Variants in OXTR observed in about 807,000 individuals in gnomAD.
OXTR encodes the protein oxytocin receptor.
Under a neutral mutation model 23.9 loss-of-function variants are expected in OXTR, and 19 were observed. The ratio of observed to expected loss-of-function variants is 0.80; its 90% confidence interval spans 0.56 to 1.17. The LOEUF (loss-of-function observed/expected upper bound fraction) is 1.17, where lower values mean the gene tolerates loss of function less well. Among genes scored for constraint, OXTR ranks in the 50% most tolerant of loss-of-function variants. OXTR has a pLI of 0.00. For missense variants in OXTR, 500 were observed against 550.7 expected (o/e 0.91, Z 0.92); for synonymous variants, 278 against 250.5 (o/e 1.11, Z -1.04).
the OXTR span, among the ~76,000 whole-genome samples, chr3:8,743,048 C>T: frequency 6.6e-6 from 1 of 151,962 alleles, no homozygotes; most frequent in Non-Finnish European, 1.5e-5. Flanking sequence ...AGCAAGAGAG[C>T]TGCCGGGTTC....
chr3:8,760,866 C>T (rs1708469953), intron 3 of OXTR, among the ~76,000 whole-genome samples: 1 of 152,012 alleles, frequency 6.6e-6, no homozygotes, highest in Non-Finnish European at 1.5e-5. Context: ...GGCCAGAGAC[C>T]AGGGCAACAA....
intron 3 of OXTR, among the ~76,000 whole-genome samples, chr3:8,759,588 T>C (rs1244159224): frequency 6.6e-6 from 1 of 152,246 alleles, no homozygotes; most frequent in Non-Finnish European, 1.5e-5. Flanking sequence ...AACCACAGGA[T>C]ATGGCCTCCC....
chr3:8,745,582 G>A (rs61147808), downstream of OXTR: 4,545 of 1,614,140 alleles, frequency 2.8e-3, 131 homozygotes, highest in African/African-American at 0.052. The surrounding 1 kb of genome is among the most constrained non-coding windows in gnomAD (Gnocchi z 4.8). Context: ...TTGACGGCGT[G>A]TGGAAGGTGA....
the OXTR span, among the ~76,000 whole-genome samples, chr3:8,741,987 C>T: frequency 6.6e-6 from 1 of 152,208 alleles, no homozygotes; most frequent in Non-Finnish European, 1.5e-5. Context: ...TCCAACTGCA[C>T]ACAGTGTCCT....
At chr3:8,743,650 G>A in the OXTR span, among the ~76,000 whole-genome samples, 9 of 152,248 alleles carry the variant, frequency 5.9e-5, no homozygotes, top group African/African-American at 1.9e-4. Flanking sequence ...ACACCACCCC[G>A]AGTGAGGCCT....
chr3:8,767,941 T>G lies in OXTR; in HGVS notation c.247A>C (p.Ile83Leu). 6.2e-7 allele frequency: 1 copy of G among 1,613,316 alleles called. No homozygotes were observed. Among genetic ancestry groups the G allele is most frequent in the Non-Finnish European group, 8.5e-7 (1 of 1,179,760 alleles). Residue 83 changes from isoleucine (I) to leucine (L), a missense_variant, in exon 3 of 4, where the codon ATC (isoleucine) becomes CTC (leucine). Physicochemically the swap from Ile to Leu is conservative, Grantham distance 5. Transcript: ENST00000316793. ...RLFFFMKHLS[I>L]ADLVVAVFQV... ...AACACTGCCACCACCAGGTCGGCGA[T>G]GCTTAGGTGCTTCATGAAGAAGAAG... is the stretch of plus-strand genomic sequence containing the variant.
intron 3 of OXTR, among the ~76,000 whole-genome samples, chr3:8,763,300 C>T (rs1277837613): frequency 6.6e-6 from 1 of 152,192 alleles, no homozygotes; most frequent in Non-Finnish European, 1.5e-5. Context: ...CAACCCCAGG[C>T]AGTGAGCCGT....
At chr3:8,764,700 C>A (rs1398781533) in intron 3 of OXTR, among the ~76,000 whole-genome samples, 1 of 152,188 alleles carries the variant, frequency 6.6e-6, no homozygotes, top group African/African-American at 2.4e-5. Flanking sequence ...CATGATGTGG[C>A]CAGGCTGGTG....
Position 8,753,148 on chromosome 3 carries a change from C to T in OXTR, c.999G>A (p.Thr333=), listed in dbSNP as rs189691866. Residue 333 remains threonine, a synonymous_variant, in exon 4 of 4, where the codon ACG becomes ACA. Coordinates refer to ENST00000316793, the MANE Select transcript of OXTR (RefSeq NM_000916.4). ...CCNPWIYMLF[T]GHLFHELVQR... ...GCACGAGTTCGTGGAAGAGGTGGCC[C>T]GTGAACAGCATGTAGATCCAGGGGT... 2.4e-5 allele frequency: 39 copies of T among 1,613,998 alleles called. No homozygotes were observed. In the Admixed American group the frequency reaches 3.3e-4, roughly 14 times the overall value.
intron 3 of OXTR, among the ~76,000 whole-genome samples, chr3:8,762,302 T>C (rs144749183): frequency 2.6e-5 from 4 of 152,360 alleles, no homozygotes; most frequent in Admixed American, 2.6e-4. Flanking sequence ...GGTTAGCTTT[T>C]GAGTTTTTTG....
the OXTR span, chr3:8,742,315 C>A: frequency 3.6e-6 from 1 of 278,374 alleles, no homozygotes; most frequent in South Asian, 3.2e-5. Context: ...AAAGGCAATC[C>A]CTGGAAATAA....
At chr3:8,769,073 T>G (rs942554897) in intron 1 of OXTR, among the ~76,000 whole-genome samples, 158 bp downstream of exon 1, 3 of 152,196 alleles carry the variant, frequency 2.0e-5, no homozygotes, top group African/African-American at 4.8e-5. Flanking sequence ...AATCAAGGAC[T>G]CTGAGTCTCA....
downstream of OXTR, among the ~76,000 whole-genome samples, chr3:8,748,810 C>G (rs1320450233): frequency 1.3e-5 from 2 of 152,214 alleles, no homozygotes; most frequent in Admixed American, 6.5e-5. Flanking sequence ...TAAAAGACAG[C>G]CTGCATTGTC....
chr3:8,745,824 A>G (rs1559655357), downstream of OXTR: 4 of 1,613,760 alleles, frequency 2.5e-6, no homozygotes, highest in Non-Finnish European at 3.4e-6. The surrounding 1 kb of genome is among the most constrained non-coding windows in gnomAD (Gnocchi z 4.8). Context: ...GCCCTGGGCC[A>G]GGTCTGCAGC....
downstream of OXTR, among the ~76,000 whole-genome samples, chr3:8,747,920 A>C (rs1033190999): frequency 3.3e-5 from 5 of 152,212 alleles, no homozygotes; most frequent in Non-Finnish European, 7.3e-5. Context: ...AGGGCAGACT[A>C]TGGTCGGTGC....
intron 3 of OXTR, among the ~76,000 whole-genome samples, chr3:8,766,024 T>G (rs1478426069): frequency 6.6e-6 from 1 of 152,164 alleles, no homozygotes; most frequent in African/African-American, 2.4e-5. Flanking sequence ...TATTTGAGAC[T>G]ATTGGGAGCA....
At position 8,752,400 on chromosome 3, in the gene OXTR, A is replaced by G. The variant is rs1708281422; in HGVS notation, c.*577T>C. On this transcript the variant is annotated 3_prime_UTR_variant, in exon 4 of 4. Transcript: ENST00000316793. ...AACATTAGCTTCTTAAACATTTTTAACCCAAGTTCTAATAGGTCCACTGCG... is the reference window on the plus strand; with the variant it reads ...AACATTAGCTTCTTAAACATTTTTAGCCCAAGTTCTAATAGGTCCACTGCG... 6.6e-6 allele frequency: 1 copy of G among 152,588 alleles called. No individual in the cohort carries two copies. The highest frequency in any genetic ancestry group is 6.5e-5 in the Admixed American group (1 of 15,284). The allele number at this position is 152,588 out of a possible 1,614,324, so 9.5% of individuals were successfully genotyped here.
chr3:8,768,135 G>A lies in OXTR; in HGVS notation c.53C>T (p.Ala18Val). Reference sequence around the variant, plus strand: ...GTTGCCCTCGGCCCCCGGCGGCGCGGCGCTGGCGTTGGCTGCCTCGGCGCT... The same window carrying A: ...GTTGCCCTCGGCCCCCGGCGGCGCGACGCTGGCGTTGGCTGCCTCGGCGCT... ...NWSAEAANAS[A>V]APPGAEGNRT... The change falls in exon 3 of 4, where the codon GCC (alanine) becomes GTC (valine). Residue 18 changes from alanine (A) to valine (V), a missense_variant. By Grantham distance (64) the Ala-to-Val change is moderately conservative. Transcript: ENST00000316793. This position sits in a 1 kb window ranked among gnomAD's most constrained non-coding sequence, Gnocchi z 5.4. 7.4e-7 allele frequency: 1 copy of A among 1,348,156 alleles called. No individual in the cohort carries two copies. The highest frequency in any genetic ancestry group is 2.7e-4 in the Middle Eastern group (1 of 3,638). The allele number at this position is 1,348,156 out of a possible 1,614,324, so 83.5% of individuals were successfully genotyped here.
chr3:8,744,402 C>T, the OXTR span, among the ~76,000 whole-genome samples: 2 of 151,560 alleles, frequency 1.3e-5, no homozygotes, highest in Admixed American at 6.6e-5. Context: ...CCTCAGCCTC[C>T]CAAGTAGCTG....
Sources: allele counts gnomAD v4.1 joint callset (sites outside exome capture counted in the v4.1 genomes callset), GRCh38; gene constraint gnomAD v4.1.1; non-coding constraint Gnocchi (gnomAD v3.1); transcripts MANE v1.5; gene names NCBI Gene and HGNC (gene_info 2026-07-23, HGNC 2026-07-21).